Variants in CEP112 observed in about 807,000 individuals in gnomAD.
CEP112 encodes centrosomal protein of 112 kDa.
CEP112 carries 127 observed loss-of-function variants against 153.0 expected under a neutral mutation model. The ratio of observed to expected loss-of-function variants is 0.83; its 90% CI spans 0.72 to 0.96. CEP112 has a LOEUF of 0.96. Among genes scored for constraint, CEP112 ranks in the 40% least tolerant of loss-of-function variants. CEP112 has a pLI of 0.00. For synonymous variants in CEP112, 358 were observed against 374.4 expected, an observed-to-expected ratio of 0.96 and a Z score of 0.51; for missense variants, 1,089 against 1,101.2, an observed-to-expected ratio of 0.99 and a Z score of 0.16.
chr17:65,853,114 A>T (rs1317475923), intron 20 of CEP112, among the ~76,000 whole-genome samples: 2 of 152,202 alleles, frequency 1.3e-5, no homozygotes, highest in Non-Finnish European at 2.9e-5. Flanking sequence ...TAGATGGCTT[A>T]AAAGAACAGA....
At chr17:66,012,860 A>G (rs1272131813) in intron 16 of CEP112, among the ~76,000 whole-genome samples, 1 of 152,168 alleles carries the variant, frequency 6.6e-6, no homozygotes, top group East Asian at 1.9e-4. Flanking sequence ...AGGGACACCA[A>G]TAAGTCATAG....
intron 21 of CEP112, among the ~76,000 whole-genome samples, chr17:65,757,318 A>C (rs1289441219): frequency 6.6e-6 from 1 of 152,232 alleles, no homozygotes; most frequent in Non-Finnish European, 1.5e-5. Context: ...ATCCCCCAGG[A>C]ACAATGATGG....
At chr17:65,867,361 T>C (rs1014267207) in intron 20 of CEP112, among the ~76,000 whole-genome samples, 2 of 152,156 alleles carry the variant, frequency 1.3e-5, no homozygotes, top group East Asian at 1.9e-4. Flanking sequence ...ACAAACCCAG[T>C]GGACCAGAGC....
chr17:66,100,980 G>A (rs1422517414), intron 6 of CEP112, among the ~76,000 whole-genome samples: 1 of 152,012 alleles, frequency 6.6e-6, no homozygotes, highest in African/African-American at 2.4e-5. Flanking sequence ...GGTATCTGTG[G>A]GAAGGAAGGA....
chr17:65,782,570 C>T (rs2054056873), intron 21 of CEP112, among the ~76,000 whole-genome samples: 1 of 152,132 alleles, frequency 6.6e-6, no homozygotes, highest in Non-Finnish European at 1.5e-5. Flanking sequence ...TTCACAATAG[C>T]AAAACCATGG....
chr17:66,129,476 C>A (rs2070025462), intron 6 of CEP112, among the ~76,000 whole-genome samples: 1 of 152,088 alleles, frequency 6.6e-6, no homozygotes, highest in East Asian at 1.9e-4. Context: ...CATATACTAT[C>A]TTTAATTATT....
intron 18 of CEP112, among the ~76,000 whole-genome samples, chr17:65,947,488 G>T (rs1330468982): frequency 1.3e-5 from 2 of 152,070 alleles, no homozygotes; most frequent in African/African-American, 4.8e-5. Context: ...GCCAAGTGGA[G>T]ACATAATGAC....
intron 20 of CEP112, among the ~76,000 whole-genome samples, chr17:65,889,735 G>C (rs2059399022): frequency 6.6e-6 from 1 of 152,032 alleles, no homozygotes; most frequent in African/African-American, 2.4e-5. Context: ...GCTTGCTTAA[G>C]TAGCATCAAC....
intron 6 of CEP112, among the ~76,000 whole-genome samples, chr17:66,103,539 T>C (rs1275072580): frequency 2.0e-5 from 3 of 152,096 alleles, no homozygotes; most frequent in Non-Finnish European, 2.9e-5. Context: ...CAAACCAACA[T>C]ATAAAAGTCA....
chr17:66,171,495 A>AT (rs1402332869), intron 4 of CEP112, among the ~76,000 whole-genome samples: 2 of 152,206 alleles, frequency 1.3e-5, no homozygotes, highest in African/African-American at 4.8e-5. Context: ...CTGATTAGAT[A>AT]TATTAAGTCA....
intron 8 of CEP112, among the ~76,000 whole-genome samples, chr17:66,090,337 T>C (rs896767568): frequency 1.3e-5 from 2 of 152,038 alleles, no homozygotes; most frequent in African/African-American, 4.8e-5. Flanking sequence ...AGTATGAAGA[T>C]ATTATATTAT....
rs892345739 is a variant in CEP112, at chr17:65,970,532, AAC to A, written c.1737-8936_1737-8935del. Among the ~76,000 whole-genome samples, 20 of 151,888 alleles carry A rather than the reference AAC, an allele frequency of 1.3e-4. 3 individuals carry two copies. Among genetic ancestry groups the A allele is most frequent in the Non-Finnish European group, 2.5e-4 (17 of 67,956 alleles). On this transcript the variant is annotated intron_variant, in intron 17 of 26. Transcript: ENST00000535342. ...ATGCATGCATATTAAATACATGTAT[AAC>A]ACATGAATATTACATGAAAGTTACC... is the stretch of plus-strand genomic sequence containing the variant.
intron 23 of CEP112, among the ~76,000 whole-genome samples, chr17:65,737,996 G>A (rs904584440): frequency 6.6e-6 from 1 of 152,126 alleles, no homozygotes; most frequent in African/African-American, 2.4e-5. Context: ...TTAAATGCTC[G>A]ATGAGCCGTG....
intron 18 of CEP112, among the ~76,000 whole-genome samples, chr17:65,937,596 CG>C (rs2061375555): frequency 1.0e-5 from 1 of 99,250 alleles, no homozygotes; most frequent in African/African-American, 3.6e-5. Context: ...CCCGGCCAGC[CG>C]CCCCGTCCGG....
At chr17:66,127,714 A>C (rs560270120) in intron 6 of CEP112, among the ~76,000 whole-genome samples, 1 of 152,114 alleles carries the variant, frequency 6.6e-6, no homozygotes, top group Non-Finnish European at 1.5e-5. Flanking sequence ...TGACTCCAAC[A>C]TATACCTCCA....
At position 65,927,660 on chromosome 17, in the gene CEP112, T is replaced by A. The variant is rs756231180; in HGVS notation, c.1902A>T (p.Arg634Ser). Residue 634 changes from arginine to serine, a missense_variant, in exon 19 of 27, where the codon AGA becomes AGT. Arg to Ser is a moderately radical substitution (Grantham distance 110). Transcript: ENST00000535342. ...ATTGTTTCTCACGAAGAGATTTGGA[T>A]CTAGTTAGATCTGCCTCCACTTTTT... is the stretch of plus-strand genomic sequence containing the variant. ...QMEKVEADLT[R>S]SKSLREKQSK... 1 of 1,584,014 alleles carries A rather than the reference T, an allele frequency of 6.3e-7. No individual in the cohort carries two copies. Among genetic ancestry groups the A allele is most frequent in the East Asian group, 2.3e-5 (1 of 43,630 alleles).
At chr17:66,046,213 T>C (rs945418324) in intron 12 of CEP112, among the ~76,000 whole-genome samples, 1 of 152,074 alleles carries the variant, frequency 6.6e-6, no homozygotes, top group African/African-American at 2.4e-5. Context: ...CGGCTAATTT[T>C]CTGTATTTTT....
intron 19 of CEP112, among the ~76,000 whole-genome samples, chr17:65,917,338 T>TA (rs1291983212): frequency 6.6e-6 from 1 of 152,010 alleles, no homozygotes; most frequent in East Asian, 1.9e-4. Context: ...TAAGCAAGAA[T>TA]AAAAGAGAGT....
At chr17:65,937,508 C>T (rs1301906015) in intron 18 of CEP112, among the ~76,000 whole-genome samples, 3 of 138,468 alleles carry the variant, frequency 2.2e-5, no homozygotes, top group South Asian at 2.7e-4. Context: ...TGGCAACCGC[C>T]CCGTCTGAGA....
Sources: gnomAD v4.1 joint callset for allele counts (sites outside exome capture counted in the v4.1 genomes callset) on GRCh38, gnomAD v4.1.1 for gene constraint, MANE v1.5 for transcripts, NCBI Gene and HGNC (gene_info 2026-07-23, HGNC 2026-07-21) for gene names.